RTN2: variants seen among roughly 807,000 people sequenced by gnomAD.
The protein encoded by RTN2 is reticulon-2.
In RTN2, 36 loss-of-function variants were observed where a neutral mutation model predicts 63.7. The ratio of observed to expected loss-of-function variants is 0.56; its 90% CI spans 0.43 to 0.75. The LOEUF (loss-of-function observed/expected upper bound fraction) is 0.75, where lower values mean the gene tolerates loss of function less well. Ranked by LOEUF, RTN2 falls within the 30% of genes least tolerant of loss-of-function variation. The probability of loss-of-function intolerance (pLI) is 0.00; values close to 1 mark genes in which losing one functional copy is unlikely to be tolerated. For missense variants in RTN2, 673 were observed against 705.1 expected (o/e 0.95, Z 0.52); for synonymous variants, 312 against 313.0 (o/e 1.00, Z 0.03).
chr19:45,491,635 C>T (rs557520516), intron 5 of RTN2, among the ~76,000 whole-genome samples: 2 of 151,502 alleles, frequency 1.3e-5, no homozygotes, highest in African/African-American at 4.8e-5. Flanking sequence ...GGGTTCACGC[C>T]ATTCTCCTGC....
In RTN2 at chr19:45,488,916, G is replaced by A. The variant is rs148270789; in HGVS notation, c.1312C>T (p.Arg438Cys). The A allele has an allele frequency of 1.1e-4, 173 of 1,610,046 alleles. No homozygotes were observed. The African/African-American group carries it at 1.7e-3, about 16-fold the overall frequency. ...AGCTGCGTGGCCGCCGAGACCACGC[G>A]GGAGGTGATCTGGTGGGACAAACGT... ...TERLSHQITS[R>C]VVSAATQLRH... is the part of the protein sequence containing the mutation. The change falls in exon 7 of 11, where the codon CGC becomes TGC. Residue 438 changes from arginine to cysteine, a missense_variant. Arg to Cys is a radical substitution (Grantham distance 180). Coordinates refer to ENST00000245923, the MANE Select transcript of RTN2 (RefSeq NM_005619.5).
At chr19:45,491,921 G>C (rs1968170041) in intron 5 of RTN2, among the ~76,000 whole-genome samples, 1 of 151,944 alleles carries the variant, frequency 6.6e-6, no homozygotes, top group East Asian at 1.9e-4. Context: ...GAGCCACCGC[G>C]CTCGGTCATA....
At chr19:45,488,057 A>G (rs572630673) in intron 9 of RTN2, among the ~76,000 whole-genome samples, 69 of 152,258 alleles carry the variant, frequency 4.5e-4, no homozygotes, top group African/African-American at 1.6e-3. Context: ...GTTTGAGACC[A>G]GCCTGGCCAG....
chr19:45,496,867 CTG>C lies in RTN2; in HGVS notation c.-44_-43del. ...GCATCGGGACCCCCGCCCACTCCGG[CTG>C]TGCCGCCCTGGGCCCGGGGTCGCGG... On this transcript the variant is annotated 5_prime_UTR_variant, in exon 1 of 11. Coordinates refer to ENST00000245923, the MANE Select transcript of RTN2 (RefSeq NM_005619.5). 1 of 1,349,920 alleles carries C rather than the reference CTG, an allele frequency of 7.4e-7. No individual in the cohort carries two copies. Among genetic ancestry groups the C allele is most frequent in the Non-Finnish European group, 9.8e-7 (1 of 1,017,328 alleles). 83.6% of individuals were successfully genotyped at this position (1,349,920 alleles called of 1,614,324 possible).
chr19:45,494,740 C>T lies in RTN2; in HGVS notation c.345G>A (p.Leu115=). The T allele has an allele frequency of 6.2e-7, 1 of 1,611,374 alleles. No individual in the cohort carries two copies. The highest frequency in any genetic ancestry group is 8.5e-7 in the Non-Finnish European group (1 of 1,179,976). ...GTCGTCCAGGCTCCGGGGATTGGCT[C>T]AGGCTGGGGATGCTCTCCAAGCTGT... ...LGDSLESIPS[L]SQSPEPGRRG... The change falls in exon 3 of 11, where the codon CTG becomes CTA. Residue 115 remains leucine (L), a synonymous_variant. Transcript: ENST00000245923. The surrounding 1 kb of genome is among the most constrained non-coding windows in gnomAD (Gnocchi z 5.3).
intron 9 of RTN2, among the ~76,000 whole-genome samples, chr19:45,487,591 T>TG (rs201285699): frequency 0.015 from 2,153 of 145,212 alleles, 59 homozygotes; most frequent in African/African-American, 0.052. Context: ...TGGTTTTTTT[T>TG]TTTTTTTTTT....
chr19:45,495,542 G>A (rs1306146969), intron 1 of RTN2, among the ~76,000 whole-genome samples: 2 of 152,214 alleles, frequency 1.3e-5, no homozygotes, highest in African/African-American at 4.8e-5. Flanking sequence ...GGGTGCAGAT[G>A]AGCATAGGGA....
At position 45,496,981 on chromosome 19, in the gene RTN2, G is replaced by T. The variant is rs1968286946; in HGVS notation, c.-156C>A. The T allele has an allele frequency of 3.0e-6, 1 of 334,094 alleles. No individual in the cohort carries two copies. Among genetic ancestry groups the T allele is most frequent in the South Asian group, 1.2e-4 (1 of 8,216 alleles). The allele number at this position is 334,094 out of a possible 1,614,324, so 20.7% of individuals were successfully genotyped here. On this transcript the variant is annotated 5_prime_UTR_variant, in exon 1 of 11. Coordinates refer to ENST00000245923, the MANE Select transcript of RTN2 (RefSeq NM_005619.5). Reference sequence around the variant, plus strand: ...TGCTCCAGCCGCCGCCGCCGCCGCCGCCGCCGCCGCCGCCCTGGTGCTCGG... The same window carrying T: ...TGCTCCAGCCGCCGCCGCCGCCGCCTCCGCCGCCGCCGCCCTGGTGCTCGG...
intron 9 of RTN2, 76 bp downstream of exon 9, chr19:45,488,395 G>A (rs1440546063): frequency 1.3e-6 from 2 of 1,508,836 alleles, no homozygotes; most frequent in African/African-American, 2.8e-5. Context: ...CTGTCAATGG[G>A]ACCCCGGTTC....
intron 5 of RTN2, among the ~76,000 whole-genome samples, chr19:45,490,473 T>C (rs1968130869): frequency 6.6e-6 from 1 of 151,874 alleles, no homozygotes; most frequent in Non-Finnish European, 1.5e-5. Context: ...TCTCACCTCC[T>C]GGAGTGACTA....
At chr19:45,489,110 C>T (rs1968094532) in intron 6 of RTN2, 124 bp from the exon 7 acceptor site, 1 of 1,155,332 alleles carries the variant, frequency 8.7e-7, no homozygotes, top group Non-Finnish European at 1.2e-6. Flanking sequence ...TGAGGGGCAG[C>T]TCAGAGGAAT....
At chr19:45,493,119 C>T in intron 5 of RTN2, 41 bp downstream of exon 5, 2 of 1,581,030 alleles carry the variant, frequency 1.3e-6, no homozygotes, top group East Asian at 2.2e-5. Flanking sequence ...GACCCCGTTC[C>T]GCCGACCTCA....
intron 10 of RTN2, 39 bp downstream of exon 10, chr19:45,486,016 C>A (rs763294142): frequency 1.9e-6 from 3 of 1,598,582 alleles, no homozygotes; most frequent in Non-Finnish European, 2.6e-6. Context: ...CAAGCTCCCC[C>A]ACTTCCCCCT....
Position 45,485,784 on chromosome 19 carries a change from C to A in RTN2, c.1562G>T (p.Arg521Leu). Residue 521 changes from arginine to leucine, a missense_variant, in exon 11 of 11, where the codon CGA (arginine) becomes CTA (leucine). Transcript: ENST00000245923. Reference sequence around the variant, plus strand: ...GGCTCCGGTCCCTGGGATTTTAGCTCGGATCCTGAAGGAGAAACAGGTGGG... The same window carrying A: ...GGCTCCGGTCCCTGGGATTTTAGCTAGGATCCTGAAGGAGAAACAGGTGGG... ...NQLSHIKAKI[R>L]AKIPGTGALA... The A allele has an allele frequency of 6.2e-7, 1 of 1,613,554 alleles. No individual in the cohort carries two copies. The highest frequency in any genetic ancestry group is 1.1e-5 in the South Asian group (1 of 91,054).
intron 1 of RTN2, 142 bp downstream of exon 1, chr19:45,496,650 G>A: frequency 2.1e-6 from 1 of 483,760 alleles, no homozygotes; most frequent in Non-Finnish European, 3.4e-6. Flanking sequence ...GCCAGAGCGC[G>A]GGGGAGGGGA....
Position 45,488,559 on chromosome 19 carries a change from A to G in RTN2, c.1451-42T>C, listed in dbSNP as rs377007468. The G allele has an allele frequency of 1.9e-5, 30 of 1,613,590 alleles. No individual in the cohort carries two copies. In the East Asian group the frequency reaches 3.3e-4, roughly 18 times the overall value. On this transcript the variant is annotated intron_variant, in intron 8 of 10. Transcript: ENST00000245923. ...GGGGGCGTCAGGGTGTTCCCAAGAG[A>G]TGAACAGTTCCATCTGGAGCCCTGT...
At chr19:45,496,740 C>A in intron 1 of RTN2, 52 bp downstream of exon 1, 2 of 1,315,802 alleles carry the variant, frequency 1.5e-6, no homozygotes, top group Non-Finnish European at 2.0e-6. Context: ...CCGGGGAGTA[C>A]CCCACCTGAA....
In RTN2 at chr19:45,494,481, C is replaced by T. The variant is rs775035353; in HGVS notation, c.559+45G>A. On this transcript the variant is annotated intron_variant, in intron 3 of 10. Coordinates refer to ENST00000245923, the MANE Select transcript of RTN2 (RefSeq NM_005619.5). This position sits in a 1 kb window ranked among gnomAD's most constrained non-coding sequence, Gnocchi z 5.3. ...TCTTGGAGGTGCCCCAAGGAGAAAC[C>T]ACCCACCCCTCTTGGCTTTGGTCCC... is the stretch of plus-strand genomic sequence containing the variant. 1 of 1,603,666 alleles carries T rather than the reference C, an allele frequency of 6.2e-7. No homozygotes were observed. The highest frequency in any genetic ancestry group is 8.5e-7 in the Non-Finnish European group (1 of 1,173,388).
At chr19:45,495,532 G>A (rs1158636956) in intron 1 of RTN2, among the ~76,000 whole-genome samples, 1 of 152,202 alleles carries the variant, frequency 6.6e-6, no homozygotes, top group African/African-American at 2.4e-5. Context: ...ATATGACGTC[G>A]GGTGCAGATG....
Sources: allele counts gnomAD v4.1 joint callset (sites outside exome capture counted in the v4.1 genomes callset), GRCh38; gene constraint gnomAD v4.1.1; non-coding constraint Gnocchi (gnomAD v3.1); transcripts MANE v1.5; gene names NCBI Gene and HGNC (gene_info 2026-07-23, HGNC 2026-07-21).